PRRC2B: variants seen among roughly 807,000 people sequenced by gnomAD.
PRRC2B encodes the protein protein PRRC2B.
In PRRC2B, 68 loss-of-function variants were observed where a neutral mutation model predicts 242.3. The observed-to-expected ratio is 0.28, with a 90% CI of 0.23 to 0.34. The LOEUF (loss-of-function observed/expected upper bound fraction) is 0.34, where lower values mean the gene tolerates loss of function less well. Among genes scored for constraint, PRRC2B ranks in the 10% least tolerant of loss-of-function variants. The pLI is 1.00. For synonymous variants in PRRC2B, 1,228 were observed against 1,173.6 expected, an observed-to-expected ratio of 1.05 and a Z score of -0.95; for missense variants, 2,835 against 2,954.8, an observed-to-expected ratio of 0.96 and a Z score of 0.94.
chr9:131,488,726 T>G (rs1042738144), intron 28 of PRRC2B, among the ~76,000 whole-genome samples: 1 of 152,170 alleles, frequency 6.6e-6, no homozygotes, highest in East Asian at 1.9e-4. Context: ...TAGACTCCTC[T>G]TCTTCCTTCC....
chr9:131,491,694 A>AGG, intron 29 of PRRC2B, 114 bp downstream of exon 29: 1 of 1,016,944 alleles, frequency 9.8e-7, no homozygotes, highest in African/African-American at 1.6e-5. Flanking sequence ...TGGGACTGCC[A>AGG]GGGCAGAAAG....
chr9:131,492,146 T>A (rs1944213560), intron 29 of PRRC2B, 23 bp from the exon 30 acceptor site: 4 of 1,595,202 alleles, frequency 2.5e-6, no homozygotes, highest in Middle Eastern at 1.7e-4. Flanking sequence ...AAATGACAGC[T>A]TGTTCCTGCT....
chr9:131,477,774 T>C lies in PRRC2B; in HGVS notation c.4437T>C (p.Leu1479=), dbSNP rs938661062. The part of the protein sequence containing the change: ...RSPDEALPGG[L]SGCSSGSGHS... ...CAGACGAGGCCTTGCCTGGAGGTCT[T>C]AGTGGCTGCAGCAGTGGGAGTGGCC... The change falls in exon 17 of 32, where the codon CTT becomes CTC. Residue 1479 remains leucine, a synonymous_variant. Coordinates refer to ENST00000683519, the MANE Select transcript of PRRC2B (RefSeq NM_013318.4). The C allele has an allele frequency of 2.5e-6, 4 of 1,609,732 alleles. No homozygotes were observed. The highest frequency in any genetic ancestry group is 3.4e-6 in the Non-Finnish European group (4 of 1,178,348).
intron 11 of PRRC2B, among the ~76,000 whole-genome samples, chr9:131,461,727 G>A (rs1319995970): frequency 3.3e-5 from 5 of 152,142 alleles, no homozygotes; most frequent in Admixed American, 3.3e-4. Flanking sequence ...TTTTAGTAGA[G>A]ACAGGGTTTT....
chr9:131,394,873 G>A (rs1836999877), intron 1 of PRRC2B, among the ~76,000 whole-genome samples: 1 of 151,994 alleles, frequency 6.6e-6, no homozygotes. Context: ...GCGGGAACCA[G>A]AGGGTTATTT....
chr9:131,463,620 T>A (rs898272341), intron 11 of PRRC2B, among the ~76,000 whole-genome samples: 10 of 135,018 alleles, frequency 7.4e-5, no homozygotes, highest in African/African-American at 2.4e-4. Context: ...AGATTTTTTT[T>A]AGGCATGCTT....
intron 6 of PRRC2B, among the ~76,000 whole-genome samples, chr9:131,445,420 A>C (rs1227229065): frequency 2.0e-5 from 3 of 152,120 alleles, no homozygotes; most frequent in African/African-American, 7.2e-5. Flanking sequence ...CAGCCTCCCA[A>C]AGTGCTGGGA....
intron 9 of PRRC2B, among the ~76,000 whole-genome samples, chr9:131,451,924 C>G (rs553451459): frequency 6.6e-6 from 1 of 151,760 alleles, no homozygotes; most frequent in East Asian, 1.9e-4. Flanking sequence ...TCTTTGTATG[C>G]CTAGACTCAA....
At chr9:131,468,983 C>T (rs543963004) in intron 13 of PRRC2B, among the ~76,000 whole-genome samples, 2 of 152,236 alleles carry the variant, frequency 1.3e-5, no homozygotes, top group South Asian at 2.1e-4. Context: ...AACCTAGCAG[C>T]GACAATTGCT....
chr9:131,423,166 G>T (rs1283106659), intron 1 of PRRC2B, among the ~76,000 whole-genome samples: 1 of 152,186 alleles, frequency 6.6e-6, no homozygotes, highest in Non-Finnish European at 1.5e-5. Flanking sequence ...GTAAAGCCGT[G>T]GCCATAAGCC....
intron 28 of PRRC2B, among the ~76,000 whole-genome samples, chr9:131,488,437 T>A (rs1159463553): frequency 1.3e-5 from 2 of 152,066 alleles, no homozygotes; most frequent in Non-Finnish European, 2.9e-5. Context: ...CTAATTTTTG[T>A]ATTAGTAGAG....
chr9:131,493,629 T>C lies in PRRC2B; in HGVS notation c.6474-776T>C, dbSNP rs575327466. 1.6e-4 allele frequency among the ~76,000 whole-genome samples: 24 copies of C among 152,342 alleles called. No individual in the cohort carries two copies. In the South Asian group the frequency reaches 4.8e-3, roughly 30 times the overall value. The stretch of plus-strand genomic sequence containing the variant: ...TAAACTAGTAGCTTTGTTTCTATGG[T>C]GTTTTAGGGGGGTTGGGGAAATTGC... On this transcript the variant is annotated intron_variant, in intron 30 of 31. Transcript: ENST00000683519.
chr9:131,491,260 C>G (rs1383136350), intron 28 of PRRC2B, 165 bp from the exon 29 acceptor site: 3 of 695,608 alleles, frequency 4.3e-6, no homozygotes, highest in Non-Finnish European at 6.9e-6. Context: ...TGGGCGATCT[C>G]TCCTGTGCTG....
Position 131,454,682 on chromosome 9 carries a change from C to G in PRRC2B, c.1121-394C>G, listed in dbSNP as rs530317869. On this transcript the variant is annotated intron_variant, in intron 9 of 31. Coordinates refer to ENST00000683519, the MANE Select transcript of PRRC2B (RefSeq NM_013318.4). ...ATGGAGTCTCGCTCTGTCGCCCAGG[C>G]TGGAGTGCAGTGGCATGATCTCGGC... Among the ~76,000 whole-genome samples, 3 of 151,970 alleles carry G rather than the reference C, an allele frequency of 2.0e-5. No homozygotes were observed. The South Asian group carries it at 6.2e-4, about 32-fold the overall frequency.
At chr9:131,486,610 G>A in intron 26 of PRRC2B, 1 of 910,186 alleles carries the variant, frequency 1.1e-6, no homozygotes, top group Non-Finnish European at 1.3e-6. Flanking sequence ...CTGCCAAGGG[G>A]TGATTTTTGG....
chr9:131,387,155 C>T (rs1460894405), intron 1 of PRRC2B, among the ~76,000 whole-genome samples: 3 of 150,340 alleles, frequency 2.0e-5, no homozygotes, highest in Non-Finnish European at 4.4e-5. Context: ...GCATGCACCA[C>T]CACGCCTGGT....
chr9:131,475,420 C>T lies in PRRC2B; in HGVS notation c.3291C>T (p.Arg1097=). 2.5e-6 allele frequency: 4 copies of T among 1,577,476 alleles called. No homozygotes were observed. The highest frequency in any genetic ancestry group is 3.4e-6 in the Non-Finnish European group (4 of 1,163,102). The stretch of plus-strand genomic sequence containing the variant: ...GTGGTGGGGGGGTCCTGGGGGCCCG[C>T]AGCATCTACTGCAGCAGTCAGCGCA... The part of the protein sequence containing the change: ...GLCGGGVLGA[R]SIYCSSQRSG... The change falls in exon 16 of 32, where the codon CGC becomes CGT. Residue 1097 remains arginine, a synonymous_variant. Transcript: ENST00000683519.
chr9:131,456,000 C>A (rs1374600213), intron 10 of PRRC2B, among the ~76,000 whole-genome samples: 1 of 151,874 alleles, frequency 6.6e-6, no homozygotes, highest in African/African-American at 2.4e-5. Context: ...GTAATCCCAG[C>A]TACTTGGGTG....
In PRRC2B at chr9:131,455,688, A is replaced by G. The variant is rs552141243; in HGVS notation, c.1211+522A>G. Among the ~76,000 whole-genome samples, 55 of 151,864 alleles carry G rather than the reference A, an allele frequency of 3.6e-4. No individual in the cohort carries two copies. In the South Asian group the frequency reaches 9.2e-3, roughly 25 times the overall value. On this transcript the variant is annotated intron_variant, in intron 10 of 31. Transcript: ENST00000683519. ...ACGCCAGCATACCCAGCTAATTTTT[A>G]TCTTTCTGCTGGAGATGGGGTTTGC...
Sources: gnomAD v4.1 joint callset for allele counts (sites outside exome capture counted in the v4.1 genomes callset) on GRCh38, gnomAD v4.1.1 for gene constraint, MANE v1.5 for transcripts, NCBI Gene and HGNC (gene_info 2026-07-23, HGNC 2026-07-21) for gene names.